ARB2A: variants seen among roughly 807,000 people sequenced by gnomAD.
The protein encoded by ARB2A is ARB2 cotranscriptional regulator A, also known as cotranscriptional regulator ARB2A.
the ARB2A span, among the ~76,000 whole-genome samples, chr5:93,960,882 G>C: frequency 6.6e-6 from 1 of 152,158 alleles, no homozygotes; most frequent in African/African-American, 2.4e-5. Flanking sequence ...GCTATGTCCA[G>C]AGTAAACAAA....
At chr5:93,743,280 T>C in the ARB2A span, 1 of 152,398 alleles carries the variant, frequency 6.6e-6, no homozygotes, top group African/African-American at 2.4e-5. Context: ...GTGTGCCGGC[T>C]ATGAGCAGGG....
At chr5:93,986,409 G>T in the ARB2A span, among the ~76,000 whole-genome samples, 1 of 150,340 alleles carries the variant, frequency 6.7e-6, no homozygotes, top group South Asian at 2.1e-4. Context: ...GAGGTGGGGG[G>T]CGCCTCTGCC....
At chr5:93,897,740 G>C in the ARB2A span, among the ~76,000 whole-genome samples, 1 of 151,636 alleles carries the variant, frequency 6.6e-6, no homozygotes, top group African/African-American at 2.4e-5. Context: ...AATATTTGGG[G>C]GAGAGACTAC....
At chr5:93,830,311 G>GTATGTGTGTGTA in the ARB2A span, among the ~76,000 whole-genome samples, 34 of 82,270 alleles carry the variant, frequency 4.1e-4, no homozygotes, top group Non-Finnish European at 6.2e-4. Context: ...GTGTGTGTGT[G>GTATGTGTGTGTA]TATATATATA....
the ARB2A span, among the ~76,000 whole-genome samples, chr5:93,967,514 CA>C: frequency 2.0e-5 from 3 of 152,078 alleles, no homozygotes; most frequent in Non-Finnish European, 4.4e-5. Context: ...CCAGTACTAA[CA>C]TAAGAACACT....
the ARB2A span, among the ~76,000 whole-genome samples, chr5:93,917,809 T>C: frequency 6.6e-6 from 1 of 152,164 alleles, no homozygotes; most frequent in African/African-American, 2.4e-5. Flanking sequence ...ACCGAAATGT[T>C]TGAGGTAGCA....
At chr5:93,793,551 C>A in the ARB2A span, among the ~76,000 whole-genome samples, 1 of 152,042 alleles carries the variant, frequency 6.6e-6, no homozygotes, top group Non-Finnish European at 1.5e-5. Context: ...TCATTCCCTG[C>A]ACAATGACTG....
the ARB2A span, among the ~76,000 whole-genome samples, chr5:93,916,058 T>A: frequency 6.6e-6 from 1 of 152,258 alleles, no homozygotes; most frequent in South Asian, 2.1e-4. Flanking sequence ...ATGGGTGTTA[T>A]CCCTATTTTG....
chr5:93,912,177 G>A, the ARB2A span, among the ~76,000 whole-genome samples: 1 of 151,666 alleles, frequency 6.6e-6, no homozygotes, highest in Non-Finnish European at 1.5e-5. Context: ...GTTGGAATAA[G>A]CTCTGAGGCA....
chr5:94,045,745 T>G, the ARB2A span, among the ~76,000 whole-genome samples: 1 of 152,172 alleles, frequency 6.6e-6, no homozygotes, highest in South Asian at 2.1e-4. Flanking sequence ...AAAACATGTA[T>G]TTTTTAAAAA....
chr5:93,769,001 T>C, the ARB2A span, among the ~76,000 whole-genome samples: 41,612 of 152,010 alleles, frequency 0.27, 7,209 homozygotes, highest in African/African-American at 0.48. Flanking sequence ...CTATGCTAAA[T>C]ATACAGTGAT....
chr5:93,867,994 T>C, the ARB2A span, among the ~76,000 whole-genome samples: 1 of 152,184 alleles, frequency 6.6e-6, no homozygotes, highest in Non-Finnish European at 1.5e-5. Context: ...AGCATACAAT[T>C]TCACATTTGC....
chr5:94,048,921 C>A, the ARB2A span, among the ~76,000 whole-genome samples: 9 of 152,264 alleles, frequency 5.9e-5, 1 homozygote, highest in Admixed American at 5.9e-4. Flanking sequence ...TACAGAAATG[C>A]AGGAGATCAA....
At chr5:93,833,102 C>T in the ARB2A span, among the ~76,000 whole-genome samples, 2 of 152,132 alleles carry the variant, frequency 1.3e-5, no homozygotes, top group Non-Finnish European at 2.9e-5. Context: ...GAATCCTATA[C>T]CATTTCATTG....
At chr5:93,769,525 G>C in the ARB2A span, among the ~76,000 whole-genome samples, 1 of 152,114 alleles carries the variant, frequency 6.6e-6, no homozygotes, top group Non-Finnish European at 1.5e-5. Context: ...TGGACTCTGA[G>C]GGAAAGCATT....
chr5:94,050,397 C>T, the ARB2A span, among the ~76,000 whole-genome samples: 19 of 151,808 alleles, frequency 1.3e-4, no homozygotes, highest in Non-Finnish European at 1.5e-4. Flanking sequence ...TGGGACTACA[C>T]GCGCATGCAA....
chr5:93,766,477 A>T, the ARB2A span, among the ~76,000 whole-genome samples: 1 of 152,174 alleles, frequency 6.6e-6, no homozygotes, highest in Non-Finnish European at 1.5e-5. Flanking sequence ...TGCAAATCAA[A>T]ACCACAATGA....
chr5:93,778,825 T>C, the ARB2A span, among the ~76,000 whole-genome samples: 2 of 152,220 alleles, frequency 1.3e-5, no homozygotes, highest in East Asian at 3.8e-4. Flanking sequence ...TTTTCTAAAT[T>C]GTTACTTTAA....
chr5:93,643,370 A>C, the ARB2A span, among the ~76,000 whole-genome samples: 3 of 152,340 alleles, frequency 2.0e-5, no homozygotes, highest in South Asian at 6.2e-4. Context: ...TCACACCTAC[A>C]TATGAATCAA....
Sources: allele counts gnomAD v4.1 joint callset (sites outside exome capture counted in the v4.1 genomes callset), GRCh38; gene constraint gnomAD v4.1.1; transcripts MANE v1.5; gene names NCBI Gene and HGNC (gene_info 2026-07-23, HGNC 2026-07-21).